The following KANK1 variants were observed in gnomAD, a reference collection of about 807,000 sequenced individuals.
The protein encoded by KANK1 is KN motif and ankyrin repeat domains 1, also known as KN motif and ankyrin repeat domain-containing protein 1.
In KANK1, 109 loss-of-function variants were observed where a neutral mutation model predicts 106.2. The ratio of observed to expected loss-of-function variants is 1.03; its 90% CI spans 0.88 to 1.20. The LOEUF is 1.20. Ranked by LOEUF, KANK1 falls within the 50% of genes most tolerant of loss-of-function variation. The pLI is 0.00. For synonymous variants in KANK1, 873 were observed against 652.2 expected (o/e 1.34, Z -5.16); for missense variants, 2,399 against 1,710.7 (o/e 1.40, Z -7.10).
chr9:572,270 C>T (rs1177978102), intron 1 of KANK1, among the ~76,000 whole-genome samples: 1 of 151,530 alleles, frequency 6.6e-6, no homozygotes, highest in African/African-American at 2.4e-5. Flanking sequence ...ATCCTCCTGC[C>T]TCAGCCTCTT....
At chr9:510,602 T>TA in intron 1 of KANK1, among the ~76,000 whole-genome samples, 1 of 152,294 alleles carries the variant, frequency 6.6e-6, no homozygotes, top group Non-Finnish European at 1.5e-5. Flanking sequence ...AGGAGAGAGA[T>TA]CAGCGGTGCA....
At chr9:582,059 C>A (rs113685721) in intron 1 of KANK1, among the ~76,000 whole-genome samples, 1,868 of 152,256 alleles carry the variant, frequency 0.012, 21 homozygotes, top group Non-Finnish European at 0.017. Context: ...CATTGGAACT[C>A]CCCCTGCCCC....
rs1825093338 is a variant in KANK1 at position 592,230 on chromosome 9, AAGGG to A, written c.-83-84659_-83-84656del. Among the ~76,000 whole-genome samples, 4 of 151,862 alleles carry A rather than the reference AAGGG, an allele frequency of 2.6e-5. No homozygotes were observed. In the South Asian group the frequency reaches 8.3e-4, roughly 31 times the overall value. The stretch of plus-strand genomic sequence containing the variant: ...AGCCTGAGAGCAAAGGTTAGATAAT[AAGGG>A]GATGTAAAGGAATTGATCTAGATAA... On this transcript the variant is annotated intron_variant, in intron 1 of 11. Coordinates refer to ENST00000382297, the MANE Select transcript of KANK1 (RefSeq NM_015158.5).
At chr9:487,523 G>A (rs1379402863) in intron 3 of KANK1, among the ~76,000 whole-genome samples, 1 of 152,134 alleles carries the variant, frequency 6.6e-6, no homozygotes, top group East Asian at 1.9e-4. Context: ...ATCGTAAGTT[G>A]GGTATCAGTA....
chr9:698,748 G>T (rs1821923053), intron 2 of KANK1, among the ~76,000 whole-genome samples: 1 of 152,158 alleles, frequency 6.6e-6, no homozygotes, highest in Admixed American at 6.5e-5. Flanking sequence ...TTCATATGGT[G>T]CAAAGGAGTT....
At chr9:621,088 C>A (rs1429633493) in intron 1 of KANK1, among the ~76,000 whole-genome samples, 2 of 152,132 alleles carry the variant, frequency 1.3e-5, no homozygotes, top group Non-Finnish European at 2.9e-5. Flanking sequence ...CTAAGCTATT[C>A]AATTCAGTCT....
At chr9:523,037 C>G (rs1207469573) in intron 1 of KANK1, among the ~76,000 whole-genome samples, 1 of 151,696 alleles carries the variant, frequency 6.6e-6, no homozygotes, top group Non-Finnish European at 1.5e-5. Flanking sequence ...GACACTCATT[C>G]TCGTGGTGAC....
chr9:638,030 C>T (rs1348409822), intron 1 of KANK1, among the ~76,000 whole-genome samples: 1 of 152,152 alleles, frequency 6.6e-6, no homozygotes, highest in East Asian at 1.9e-4. Flanking sequence ...AAGTGCCAGG[C>T]ATCACATCCA....
intron 3 of KANK1, among the ~76,000 whole-genome samples, chr9:728,729 A>G (rs1019792197): frequency 6.6e-6 from 1 of 152,198 alleles, no homozygotes; most frequent in Non-Finnish European, 1.5e-5. Context: ...CATCTACATA[A>G]TAAGAACCTT....
chr9:636,067 G>A (rs1837064090), intron 1 of KANK1, among the ~76,000 whole-genome samples: 1 of 152,066 alleles, frequency 6.6e-6, no homozygotes, highest in Non-Finnish European at 1.5e-5. Context: ...GATATTCTCA[G>A]ACAAATAAAT....
intron 1 of KANK1, among the ~76,000 whole-genome samples, chr9:511,214 G>A (rs1209859707): frequency 6.6e-6 from 1 of 152,184 alleles, no homozygotes; most frequent in Non-Finnish European, 1.5e-5. Context: ...AGAGTAAAGG[G>A]CACTGCATTT....
chr9:591,990 T>C (rs1825013610), intron 1 of KANK1, among the ~76,000 whole-genome samples: 1 of 151,726 alleles, frequency 6.6e-6, no homozygotes. Context: ...CTTACTCTTT[T>C]CCTGTTTCCC....
chr9:687,023 T>A, intron 2 of KANK1: 1 of 665,448 alleles, frequency 1.5e-6, no homozygotes, highest in Non-Finnish European at 1.9e-6. Flanking sequence ...ACTGCTGAAT[T>A]TCTTTTCTTT....
intron 2 of KANK1, among the ~76,000 whole-genome samples, chr9:687,773 C>T (rs1269182072): frequency 2.6e-5 from 4 of 152,124 alleles, no homozygotes; most frequent in Non-Finnish European, 4.4e-5. Flanking sequence ...TTCTTTATTC[C>T]TTTTATTCTG....
At chr9:725,340 A>C (rs771565959) in intron 3 of KANK1, among the ~76,000 whole-genome samples, 1 of 151,994 alleles carries the variant, frequency 6.6e-6, no homozygotes. Flanking sequence ...TAAAAATACA[A>C]AAATTAGCCA....
intron 1 of KANK1, among the ~76,000 whole-genome samples, chr9:675,630 C>T (rs962296127): frequency 2.0e-5 from 3 of 151,976 alleles, no homozygotes; most frequent in Non-Finnish European, 4.4e-5. Context: ...ATGTGGACCC[C>T]GGTGTTTCAG....
intron 1 of KANK1, among the ~76,000 whole-genome samples, chr9:551,254 C>T (rs895948568): frequency 4.6e-5 from 7 of 151,510 alleles, no homozygotes; most frequent in African/African-American, 1.7e-4. Context: ...ACACATTTGC[C>T]TGTTTCCCTC....
chr9:695,292 A>G (rs1820958637), intron 2 of KANK1, among the ~76,000 whole-genome samples: 1 of 152,174 alleles, frequency 6.6e-6, no homozygotes, highest in Admixed American at 6.5e-5. Context: ...TGTTCAGAAT[A>G]ATCGGCACTC....
At chr9:486,021 G>C (rs1334790524) in intron 3 of KANK1, among the ~76,000 whole-genome samples, 2 of 152,140 alleles carry the variant, frequency 1.3e-5, no homozygotes, top group East Asian at 3.8e-4. Flanking sequence ...GTTTCCCGTT[G>C]TCTTTAGCCA....
Sources: gnomAD v4.1 joint callset for allele counts (sites outside exome capture counted in the v4.1 genomes callset) on GRCh38, gnomAD v4.1.1 for gene constraint, MANE v1.5 for transcripts, NCBI Gene and HGNC (gene_info 2026-07-23, HGNC 2026-07-21) for gene names.